RAP1GDS1: variants seen among roughly 807,000 people sequenced by gnomAD.
RAP1GDS1 encodes the protein Rap1 GTPase-GDP dissociation stimulator 1, also known as RAP1, GTP-GDP dissociation stimulator 1.
In RAP1GDS1, 35 loss-of-function variants were observed where a neutral mutation model predicts 71.1. The ratio of observed to expected loss-of-function variants is 0.49; its 90% CI spans 0.38 to 0.65. The LOEUF (loss-of-function observed/expected upper bound fraction) is 0.65. Ranked by LOEUF, RAP1GDS1 falls within the 30% of genes least tolerant of loss-of-function variation. The pLI, the probability that RAP1GDS1 is intolerant of heterozygous loss-of-function variation, is 0.00. For synonymous variants in RAP1GDS1, 229 were observed against 243.1 expected, an observed-to-expected ratio of 0.94 and a Z score of 0.54; for missense variants, 663 against 706.1, an observed-to-expected ratio of 0.94 and a Z score of 0.69.
At position 98,278,945 on chromosome 4, in the gene RAP1GDS1, G is replaced by A. The variant is rs140249724; in HGVS notation, c.5-14463G>A. On this transcript the variant is annotated intron_variant, in intron 1 of 14. Transcript: ENST00000408927. ...AGTATAATAATAGGGCCACTAGGCCGGGCGCGGTGGCTCACGCCTGTAATC... is the reference window on the plus strand; with the variant it reads ...AGTATAATAATAGGGCCACTAGGCCAGGCGCGGTGGCTCACGCCTGTAATC... Among the ~76,000 whole-genome samples, 207 of 152,068 alleles carry A rather than the reference G, an allele frequency of 1.4e-3. 3 individuals are homozygous for A. Among genetic ancestry groups the A allele is most frequent in the African/African-American group, 3.8e-3 (159 of 41,488 alleles).
At chr4:98,425,880 A>C (rs1159858275) in intron 12 of RAP1GDS1, among the ~76,000 whole-genome samples, 1 of 152,228 alleles carries the variant, frequency 6.6e-6, no homozygotes, top group Non-Finnish European at 1.5e-5. Flanking sequence ...TGGACTTAAC[A>C]GATATTTACA....
Position 98,442,560 on chromosome 4 carries a change from A to T in RAP1GDS1, c.*443A>T, listed in dbSNP as rs917462263. Reference sequence around the variant, plus strand: ...CTCCATTTTTTGGTGCTTGGGAAGCACAGTGACCAAAAAAGTTGTATGGCT... The same window carrying T: ...CTCCATTTTTTGGTGCTTGGGAAGCTCAGTGACCAAAAAAGTTGTATGGCT... On this transcript the variant is annotated 3_prime_UTR_variant, in exon 15 of 15. Coordinates refer to ENST00000408927, the MANE Select transcript of RAP1GDS1 (RefSeq NM_001100427.2). The T allele has an allele frequency of 4.4e-6, 1 of 228,418 alleles. No individual in the cohort carries two copies. Among genetic ancestry groups the T allele is most frequent in the African/African-American group, 2.2e-5 (1 of 45,076 alleles). The allele number at this position is 228,418 out of a possible 1,614,324, so 14.1% of individuals were successfully genotyped here. A position where few individuals can be genotyped will look rare whatever the true frequency, so the allele number is the denominator to read the frequency against.
At chr4:98,275,162 C>T (rs1039670261) in intron 1 of RAP1GDS1, among the ~76,000 whole-genome samples, 3 of 151,926 alleles carry the variant, frequency 2.0e-5, no homozygotes, top group Non-Finnish European at 2.9e-5. Flanking sequence ...CTGGTAGTAT[C>T]GATGTATATT....
At chr4:98,375,773 C>T (rs1002737900) in intron 4 of RAP1GDS1, among the ~76,000 whole-genome samples, 3 of 152,074 alleles carry the variant, frequency 2.0e-5, no homozygotes, top group African/African-American at 7.2e-5. Context: ...TTAAAAAATT[C>T]TTGAGTACCT....
chr4:98,299,863 C>G (rs1458434173), intron 2 of RAP1GDS1, among the ~76,000 whole-genome samples: 1 of 152,064 alleles, frequency 6.6e-6, no homozygotes, highest in Admixed American at 6.6e-5. Context: ...TTGTGATCCA[C>G]CTGCCCCTGC....
intron 3 of RAP1GDS1, among the ~76,000 whole-genome samples, chr4:98,351,313 T>C (rs1343541428): frequency 6.6e-6 from 1 of 152,122 alleles, no homozygotes; most frequent in Non-Finnish European, 1.5e-5. Context: ...ATTAATTCAT[T>C]TATTTCGGGA....
chr4:98,408,795 ATCT>A (rs1297752125), intron 7 of RAP1GDS1, among the ~76,000 whole-genome samples: 2 of 152,204 alleles, frequency 1.3e-5, no homozygotes, highest in Non-Finnish European at 2.9e-5. Context: ...AGAAACCATG[ATCT>A]TCTCAGATTT....
intron 2 of RAP1GDS1, among the ~76,000 whole-genome samples, chr4:98,331,941 A>G (rs1734079476): frequency 6.6e-6 from 1 of 152,168 alleles, no homozygotes; most frequent in South Asian, 2.1e-4. Flanking sequence ...CAAAAGCAAT[A>G]CAGAAAGTTA....
intron 5 of RAP1GDS1, among the ~76,000 whole-genome samples, chr4:98,391,310 T>C (rs910779098): frequency 2.0e-5 from 3 of 152,124 alleles, no homozygotes; most frequent in African/African-American, 4.8e-5. Flanking sequence ...AGCCAGACTT[T>C]CCTCTCTCTT....
chr4:98,343,869 C>A (rs530051511), intron 3 of RAP1GDS1, among the ~76,000 whole-genome samples: 1 of 151,946 alleles, frequency 6.6e-6, no homozygotes, highest in Non-Finnish European at 1.5e-5. Context: ...TAATTCAGTC[C>A]GTTTGAGAAA....
At chr4:98,381,849 C>A (rs1026170919) in intron 5 of RAP1GDS1, among the ~76,000 whole-genome samples, 1 of 151,362 alleles carries the variant, frequency 6.6e-6, no homozygotes. Context: ...AAAAAAAGTA[C>A]TGAGAGTGGT....
Position 98,420,706 on chromosome 4 carries a change from A to G in RAP1GDS1, c.1301-549A>G, listed in dbSNP as rs115756868. Among the ~76,000 whole-genome samples, 679 of 152,270 alleles carry G rather than the reference A, an allele frequency of 4.5e-3. 4 individuals are homozygous for G. Among genetic ancestry groups the G allele is most frequent in the Non-Finnish European group, 4.7e-3 (319 of 68,030 alleles). On this transcript the variant is annotated intron_variant, in intron 11 of 14. Coordinates refer to ENST00000408927, the MANE Select transcript of RAP1GDS1 (RefSeq NM_001100427.2). ...AAATTATACCATATCTCTCCTTATTAGTACTTATAGTCCTGGTTTTAGGTT... is the reference window on the plus strand; with the variant it reads ...AAATTATACCATATCTCTCCTTATTGGTACTTATAGTCCTGGTTTTAGGTT...
chr4:98,441,597 TTTTC>T, intron 14 of RAP1GDS1: 2 of 985,078 alleles, frequency 2.0e-6, no homozygotes, highest in Non-Finnish European at 2.4e-6. Flanking sequence ...GACGTCTCGT[TTTTC>T]TTTTTAAAAA....
chr4:98,353,501 G>T (rs1737512580), intron 4 of RAP1GDS1, among the ~76,000 whole-genome samples: 1 of 152,076 alleles, frequency 6.6e-6, no homozygotes, highest in Admixed American at 6.6e-5. Context: ...CAGAAAGAAA[G>T]GACATAAATA....
intron 2 of RAP1GDS1, among the ~76,000 whole-genome samples, chr4:98,296,040 AC>A (rs1459945197): frequency 6.6e-6 from 1 of 151,404 alleles, no homozygotes; most frequent in African/African-American, 2.4e-5. Context: ...AACAACAACA[AC>A]AACAACAACA....
rs1248125212 is a variant in RAP1GDS1 at position 98,434,012 on chromosome 4, T to G, written c.1517T>G (p.Met506Arg). The G allele has an allele frequency of 6.2e-7, 1 of 1,613,820 alleles. No homozygotes were observed. Among genetic ancestry groups the G allele is most frequent in the Non-Finnish European group, 8.5e-7 (1 of 1,179,848 alleles). The change falls in exon 13 of 15, where the codon ATG becomes AGG. Residue 506 changes from methionine to arginine, a missense_variant. Transcript: ENST00000408927. ...VTMATSEHVIMQNEALVALAL... is the reference protein window; with the variant it reads ...VTMATSEHVIRQNEALVALAL... ...ATGGCAACTAGTGAACATGTAATAA[T>G]GCAGAATGAAGCTCTTGTTGCTTTG...
intron 1 of RAP1GDS1, among the ~76,000 whole-genome samples, chr4:98,268,152 G>C (rs1232138562): frequency 6.6e-6 from 1 of 152,124 alleles, no homozygotes; most frequent in Non-Finnish European, 1.5e-5. Flanking sequence ...TGGGATGCAA[G>C]AATGGTTGAA....
intron 7 of RAP1GDS1, among the ~76,000 whole-genome samples, chr4:98,410,862 C>T (rs954595351): frequency 6.6e-6 from 1 of 151,992 alleles, no homozygotes; most frequent in Non-Finnish European, 1.5e-5. Context: ...AAGTGATTAC[C>T]ATAATAACCA....
At chr4:98,363,199 G>A (rs28455818) in intron 4 of RAP1GDS1, among the ~76,000 whole-genome samples, 6,616 of 151,940 alleles carry the variant, frequency 0.044, 342 homozygotes, top group African/African-American at 0.13. Flanking sequence ...TAGAAGTAGA[G>A]TAATTGAGCT....
Sources: gnomAD v4.1 joint callset for allele counts (sites outside exome capture counted in the v4.1 genomes callset) on GRCh38, gnomAD v4.1.1 for gene constraint, MANE v1.5 for transcripts, NCBI Gene and HGNC (gene_info 2026-07-23, HGNC 2026-07-21) for gene names.